TSC22D2: variants seen among roughly 807,000 people sequenced by gnomAD.
TSC22D2 encodes the protein TSC22 domain family protein 2.
TSC22D2 carries 5 observed loss-of-function variants against 50.1 expected under a neutral mutation model. The ratio of observed to expected loss-of-function variants is 0.10; its 90% CI spans 0.05 to 0.21. TSC22D2 has a LOEUF of 0.21. Among genes scored for constraint, TSC22D2 ranks in the 10% least tolerant of loss-of-function variants. The pLI is 1.00. For synonymous variants in TSC22D2, 501 were observed against 450.1 expected (o/e 1.11, Z -1.43); for missense variants, 1,003 against 1,015.5 (o/e 0.99, Z 0.17).
chr3:150,419,566 C>T (rs750462594), intron 1 of TSC22D2, among the ~76,000 whole-genome samples: 2 of 151,992 alleles, frequency 1.3e-5, no homozygotes, highest in Non-Finnish European at 2.9e-5. Flanking sequence ...TGCTCAAGTA[C>T]CTTATGCTTT....
intron 1 of TSC22D2, among the ~76,000 whole-genome samples, chr3:150,431,586 A>T (rs1168303612): frequency 7.9e-5 from 12 of 152,206 alleles, no homozygotes; most frequent in African/African-American, 2.9e-4. Context: ...AATATTTAAT[A>T]AAAAATGCAG....
intron 1 of TSC22D2, among the ~76,000 whole-genome samples, chr3:150,422,462 A>G (rs1720041068): frequency 6.6e-6 from 1 of 152,218 alleles, no homozygotes; most frequent in African/African-American, 2.4e-5. Context: ...AGAATCAGAA[A>G]GCTGCCAAAC....
intron 1 of TSC22D2, among the ~76,000 whole-genome samples, chr3:150,411,691 G>A (rs1404987394): frequency 1.3e-5 from 2 of 152,086 alleles, no homozygotes; most frequent in Admixed American, 1.3e-4. Context: ...GAGTTTTGAG[G>A]CTGAGACATA....
At chr3:150,439,029 T>C (rs1720635039) in intron 1 of TSC22D2, among the ~76,000 whole-genome samples, 1 of 152,138 alleles carries the variant, frequency 6.6e-6, no homozygotes, top group South Asian at 2.1e-4. Flanking sequence ...AGGGGGACCA[T>C]TGGAAGGATA....
intron 1 of TSC22D2, among the ~76,000 whole-genome samples, chr3:150,441,159 A>G (rs892904438): frequency 6.6e-6 from 1 of 151,860 alleles, no homozygotes; most frequent in African/African-American, 2.4e-5. Flanking sequence ...TTTGGAAAAT[A>G]GAATAAGAAT....
At position 150,458,713 on chromosome 3, in the gene TSC22D2, T is replaced by C. The variant is rs907946584; in HGVS notation, c.*77T>C. 5.8e-6 allele frequency: 9 copies of C among 1,557,524 alleles called. No individual in the cohort carries two copies. Among genetic ancestry groups the C allele is most frequent in the Non-Finnish European group, 7.8e-6 (9 of 1,150,924 alleles). The stretch of plus-strand genomic sequence containing the variant: ...TGCCACTGGTGTTCTTTCCACTTTA[T>C]ACGAAAGCAAGTAGCCATGCTTTGG... On this transcript the variant is annotated 3_prime_UTR_variant, in exon 3 of 3. Transcript: ENST00000688009.
Position 150,459,572 on chromosome 3 carries a change from GT to G in TSC22D2, c.*949del, listed in dbSNP as rs11330414. On this transcript the variant is annotated 3_prime_UTR_variant, in exon 3 of 3. Transcript: ENST00000688009. ...TAATGGAGTTTGGTTTTTTTTTGTT[GT>G]TTTTTTTTTTTTGTCTTTTTTTTTT... is the stretch of plus-strand genomic sequence containing the variant. 50,175 of 115,318 alleles carry G rather than the reference GT, an allele frequency of 0.44. 8,706 individuals carry two copies. Among genetic ancestry groups the G allele is most frequent in the Middle Eastern group, 0.56 (115 of 206 alleles). 7.1% of individuals were successfully genotyped at this position (115,318 alleles called of 1,614,324 possible). A position where few individuals can be genotyped will look rare whatever the true frequency, so the allele number is the denominator to read the frequency against.
rs559093013 is a variant in TSC22D2 at position 150,449,155 on chromosome 3, G to C, written c.1959-7921G>C. ...ATCATTGTTTTGTTTGTTGAATATA[G>C]TACCTTATCTTGCAGAATGAAATAG... On this transcript the variant is annotated intron_variant, in intron 1 of 2. Transcript: ENST00000688009. Among the ~76,000 whole-genome samples, 9 of 152,170 alleles carry C rather than the reference G, an allele frequency of 5.9e-5. No individual in the cohort carries two copies. In the South Asian group the frequency reaches 1.9e-3, roughly 32 times the overall value.
intron 1 of TSC22D2, among the ~76,000 whole-genome samples, chr3:150,447,106 C>G (rs1203840891): frequency 1.3e-5 from 2 of 152,094 alleles, no homozygotes; most frequent in Non-Finnish European, 2.9e-5. Flanking sequence ...TTACTTTAGT[C>G]AGGCCTCACT....
At chr3:150,458,276 G>A in intron 2 of TSC22D2, 100 bp from the exon 3 acceptor site, 1 of 1,255,104 alleles carries the variant, frequency 8.0e-7, no homozygotes, top group East Asian at 2.4e-5. Context: ...AGCAAGAGCA[G>A]GAAAACTAGT....
rs1230855539 is a variant in TSC22D2 at position 150,411,245 on chromosome 3, C to T, written c.1895C>T (p.Pro632Leu). The T allele has an allele frequency of 1.2e-6, 2 of 1,614,084 alleles. No individual in the cohort carries two copies. The highest frequency in any genetic ancestry group is 2.2e-5 in the East Asian group (1 of 44,904). ...DSLANPLQLTPMNSLATSVFS... is the reference protein window; with the variant it reads ...DSLANPLQLTLMNSLATSVFS... ...CTGGCAAACCCCCTTCAGTTAACAC[C>T]TATGAACAGTCTGGCCACCTCTGTA... is the stretch of plus-strand genomic sequence containing the variant. Residue 632 changes from proline to leucine, a missense_variant, in exon 1 of 3, where the codon CCT (proline) becomes CTT (leucine). Pro to Leu is a moderately conservative substitution (Grantham distance 98, BLOSUM62 -3). Coordinates refer to ENST00000688009, the MANE Select transcript of TSC22D2 (RefSeq NM_001303264.2).
chr3:150,409,820 C>T lies in TSC22D2; in HGVS notation c.470C>T (p.Thr157Ile). Reference sequence around the variant, plus strand: ...GCAGCCCCATCTCAGCCTCCCACCACATGTAGTTCCCGTTTTCGCGTGATC... The same window carrying T: ...GCAGCCCCATCTCAGCCTCCCACCATATGTAGTTCCCGTTTTCGCGTGATC... ...VTAAPSQPPT[T>I]CSSRFRVIKL... Residue 157 changes from threonine to isoleucine, a missense_variant, in exon 1 of 3, where the codon ACA becomes ATA. Coordinates refer to ENST00000688009, the MANE Select transcript of TSC22D2 (RefSeq NM_001303264.2). This position sits in a 1 kb window ranked among gnomAD's most constrained non-coding sequence, Gnocchi z 7.4. 1.2e-6 allele frequency: 2 copies of T among 1,605,262 alleles called. No homozygotes were observed. Among genetic ancestry groups the T allele is most frequent in the Non-Finnish European group, 1.7e-6 (2 of 1,179,976 alleles).
At chr3:150,435,254 T>G (rs1035481963) in intron 1 of TSC22D2, among the ~76,000 whole-genome samples, 3 of 152,324 alleles carry the variant, frequency 2.0e-5, no homozygotes, top group Non-Finnish European at 4.4e-5. Flanking sequence ...GTGCTGTGAT[T>G]ACAGGCGTGA....
Position 150,458,540 on chromosome 3 carries a change from G to A in TSC22D2, c.2175G>A (p.Gln725=). 1.2e-6 allele frequency: 2 copies of A among 1,614,144 alleles called. No homozygotes were observed. Among genetic ancestry groups the A allele is most frequent in the Non-Finnish European group, 1.7e-6 (2 of 1,180,028 alleles). Reference sequence around the variant, plus strand: ...AATTATCCCAACTCCCAACCCAACAGGCCAATCCTGGTAGCACTTCTCAAC... The same window carrying A: ...AATTATCCCAACTCCCAACCCAACAAGCCAATCCTGGTAGCACTTCTCAAC... ...NDQLSQLPTQ[Q]ANPGSTSQQQ... The change falls in exon 3 of 3, where the codon CAG becomes CAA. Residue 725 remains glutamine (Q), a synonymous_variant. Transcript: ENST00000688009.
In TSC22D2 at chr3:150,460,520, A is replaced by G. The variant is rs1014915634; in HGVS notation, c.*1884A>G. On this transcript the variant is annotated 3_prime_UTR_variant, in exon 3 of 3. Coordinates refer to ENST00000688009, the MANE Select transcript of TSC22D2 (RefSeq NM_001303264.2). ...AATTGGGATGTACATGAGATTGCCA[A>G]ATATTTTCTATTCTAGTTGTGCTGC... 6.6e-6 allele frequency: 1 copy of G among 152,230 alleles called. No homozygotes were observed. The highest frequency in any genetic ancestry group is 6.5e-5 in the Admixed American group (1 of 15,282). 9.4% of individuals were successfully genotyped at this position (152,230 alleles called of 1,614,324 possible).
chr3:150,437,451 T>C (rs1282384261), intron 1 of TSC22D2, among the ~76,000 whole-genome samples: 1 of 152,120 alleles, frequency 6.6e-6, no homozygotes, highest in Non-Finnish European at 1.5e-5. Context: ...TGGAATTCTG[T>C]CTTAAGCACT....
chr3:150,428,653 A>G (rs1283941866), intron 1 of TSC22D2, among the ~76,000 whole-genome samples: 1 of 151,798 alleles, frequency 6.6e-6, no homozygotes, highest in African/African-American at 2.4e-5. Flanking sequence ...AGTATTGGTT[A>G]GCAAGTGACA....
At position 150,409,762 on chromosome 3, in the gene TSC22D2, C is replaced by G. The variant is rs779769949; in HGVS notation, c.412C>G (p.Gln138Glu). The G allele has an allele frequency of 5.0e-6, 8 of 1,601,832 alleles. No homozygotes were observed. Among genetic ancestry groups the G allele is most frequent in the Non-Finnish European group, 6.8e-6 (8 of 1,178,862 alleles). Residue 138 changes from glutamine to glutamate, a missense_variant, in exon 1 of 3, where the codon CAG becomes GAG. By Grantham distance (29) the Gln-to-Glu change is conservative. Around this residue, in one of 6 missense-constraint regions of TSC22D2, gnomAD observed 200 missense variants for 182.8 expected, o/e 1.09. Transcript: ENST00000688009. This position sits in a 1 kb window ranked among gnomAD's most constrained non-coding sequence, Gnocchi z 7.4. Reference protein sequence around the residue: ...APAPGAPGGPQLAGSSAGPVT... With the variant: ...APAPGAPGGPELAGSSAGPVT... ...CGCCCCCGGAGCACCCGGCGGCCCCCAGCTCGCGGGCTCATCCGCCGGGCC... is the reference window on the plus strand; with the variant it reads ...CGCCCCCGGAGCACCCGGCGGCCCCGAGCTCGCGGGCTCATCCGCCGGGCC...
chr3:150,434,809 T>C (rs912739707), intron 1 of TSC22D2, among the ~76,000 whole-genome samples: 2 of 151,756 alleles, frequency 1.3e-5, no homozygotes, highest in African/African-American at 4.8e-5. Flanking sequence ...TACATGTACT[T>C]ATGCTTATAT....
Sources: gnomAD v4.1 joint callset for allele counts (sites outside exome capture counted in the v4.1 genomes callset) on GRCh38, gnomAD v4.1.1 for gene constraint, gnomAD v4.1.1 regional missense constraint, Gnocchi (gnomAD v3.1) non-coding constraint, MANE v1.5 for transcripts, NCBI Gene and HGNC (gene_info 2026-07-23, HGNC 2026-07-21) for gene names.